RARB: variants seen among roughly 807,000 people sequenced by gnomAD.
RARB encodes the protein HBV-activated protein.
Under a neutral mutation model 51.9 loss-of-function variants are expected in RARB, and 17 were observed. The ratio of observed to expected loss-of-function variants is 0.33; its 90% confidence interval spans 0.22 to 0.49. The LOEUF (loss-of-function observed/expected upper bound fraction) is 0.49, where lower values mean the gene tolerates loss of function less well. Ranked by LOEUF, RARB falls within the 20% of genes least tolerant of loss-of-function variation. The pLI is 0.99. For synonymous variants in RARB, 215 were observed against 195.4 expected (o/e 1.10, Z -0.84); for missense variants, 369 against 550.8 (o/e 0.67, Z 3.30).
rs185458857 is a variant in RARB at position 25,297,719 on chromosome 3, C to T, written c.178+123144C>T. Among the ~76,000 whole-genome samples the T allele has an allele frequency of 9.0e-4, 137 of 151,832 alleles. No individual in the cohort carries two copies. In the East Asian group the frequency reaches 0.018, roughly 19 times the overall value. On this transcript the variant is annotated intron_variant, in intron 5 of 11. Coordinates refer to the RARB transcript ENST00000383772. ...AAAGCAAGAGATGGTCCCATTTTTTCCCCTCATTCCCCAGTCTAGTCTCAT... is the reference window on the plus strand; with the variant it reads ...AAAGCAAGAGATGGTCCCATTTTTTTCCCTCATTCCCCAGTCTAGTCTCAT...
chr3:25,028,005 C>A (rs1263285844), intron 2 of RARB, among the ~76,000 whole-genome samples: 3 of 152,066 alleles, frequency 2.0e-5, no homozygotes. Flanking sequence ...TGTAAATATG[C>A]CTTCCTAACC....
At chr3:25,449,661 C>T (rs939216152) in intron 1 of RARB, among the ~76,000 whole-genome samples, 14 of 152,110 alleles carry the variant, frequency 9.2e-5, no homozygotes, top group African/African-American at 3.4e-4. Context: ...GCTGTATGGC[C>T]TTGAACAAGT....
chr3:24,991,649 C>T (rs1281908985), intron 2 of RARB, among the ~76,000 whole-genome samples: 4 of 151,936 alleles, frequency 2.6e-5, no homozygotes, highest in Non-Finnish European at 2.9e-5. Context: ...AGTTGTATTA[C>T]GGGTTTAGGA....
At chr3:25,354,377 T>A (rs1705667441) in intron 5 of RARB, among the ~76,000 whole-genome samples, 1 of 152,138 alleles carries the variant, frequency 6.6e-6, no homozygotes, top group Non-Finnish European at 1.5e-5. Context: ...TGATGGTATG[T>A]TTTTCCTGTC....
chr3:25,178,999 T>A (rs1240184638), intron 5 of RARB, among the ~76,000 whole-genome samples: 1 of 152,186 alleles, frequency 6.6e-6, no homozygotes, highest in Admixed American at 6.5e-5. Flanking sequence ...CTCAAAATGA[T>A]CTTAGTTTAA....
At chr3:25,137,889 T>C (rs1003140447) in intron 4 of RARB, among the ~76,000 whole-genome samples, 1 of 152,076 alleles carries the variant, frequency 6.6e-6, no homozygotes, top group Non-Finnish European at 1.5e-5. Flanking sequence ...CAAGAGGTAG[T>C]TGAGTTTAAA....
At chr3:25,120,629 A>G (rs894219944) in intron 3 of RARB, among the ~76,000 whole-genome samples, 1 of 151,542 alleles carries the variant, frequency 6.6e-6, no homozygotes, top group African/African-American at 2.4e-5. Context: ...GAGGTAAGTT[A>G]TATATTGTTA....
intron 5 of RARB, among the ~76,000 whole-genome samples, chr3:25,201,035 T>C (rs573677546): frequency 1.0e-3 from 154 of 152,338 alleles, no homozygotes; most frequent in African/African-American, 3.7e-3. Context: ...CCTTGGGCAG[T>C]ATGGCCATTT....
intron 3 of RARB, among the ~76,000 whole-genome samples, chr3:25,107,027 A>G (rs1699519929): frequency 6.6e-6 from 1 of 151,966 alleles, no homozygotes; most frequent in African/African-American, 2.4e-5. Context: ...CAGCCTCCCG[A>G]ATAGCTGGGA....
chr3:25,066,694 T>G (rs1290708670), intron 3 of RARB, among the ~76,000 whole-genome samples: 1 of 149,864 alleles, frequency 6.7e-6, no homozygotes, highest in Non-Finnish European at 1.5e-5. Flanking sequence ...TTTTTAAAAA[T>G]CCCCAATTAC....
chr3:25,475,205 A>AT (rs1318390520), intron 2 of RARB, among the ~76,000 whole-genome samples: 2 of 152,158 alleles, frequency 1.3e-5, no homozygotes, highest in Non-Finnish European at 2.9e-5. Context: ...TACATCAGGT[A>AT]TTCCTTTGTT....
At chr3:25,278,214 C>T (rs1456638318) in intron 5 of RARB, among the ~76,000 whole-genome samples, 1 of 152,172 alleles carries the variant, frequency 6.6e-6, no homozygotes, top group African/African-American at 2.4e-5. Context: ...TCTTCTGTGG[C>T]TTACCTCTAA....
At chr3:25,537,387 G>A (rs1699184346) in intron 3 of RARB, among the ~76,000 whole-genome samples, 1 of 152,194 alleles carries the variant, frequency 6.6e-6, no homozygotes, top group Non-Finnish European at 1.5e-5. Context: ...TTGGTTGTGT[G>A]TTTGAATAGG....
At chr3:24,880,315 G>A (rs1406085629) in intron 2 of RARB, among the ~76,000 whole-genome samples, 2 of 151,790 alleles carry the variant, frequency 1.3e-5, no homozygotes, top group African/African-American at 4.8e-5. Flanking sequence ...AGGGATCTTT[G>A]GAAAAGAAAA....
intron 2 of RARB, among the ~76,000 whole-genome samples, chr3:24,927,026 G>T (rs778582816): frequency 1.3e-5 from 2 of 152,078 alleles, no homozygotes; most frequent in African/African-American, 4.8e-5. Flanking sequence ...GGAGAAGAAT[G>T]GTTTCCTGTC....
intron 5 of RARB, among the ~76,000 whole-genome samples, chr3:25,326,321 G>C (rs1240907256): frequency 6.6e-6 from 1 of 152,170 alleles, no homozygotes; most frequent in African/African-American, 2.4e-5. Context: ...AGGGCTTGCT[G>C]CATCTCACTG....
intron 2 of RARB, among the ~76,000 whole-genome samples, chr3:24,870,216 C>A (rs1256420780): frequency 6.6e-6 from 1 of 151,936 alleles, no homozygotes; most frequent in Admixed American, 6.6e-5. Flanking sequence ...TTAATGCATT[C>A]TAATTTATTT....
rs185093897 is a variant in RARB, at chr3:25,016,399, G to A, written c.-379-43726G>A. On this transcript the variant is annotated intron_variant, in intron 2 of 11. Transcript: ENST00000383772. ...TGTAGGATGTTCAGCACCATCGCTGGCCTGTACCCTCTGGATGCCAGTAGC... is the reference window on the plus strand; with the variant it reads ...TGTAGGATGTTCAGCACCATCGCTGACCTGTACCCTCTGGATGCCAGTAGC... Among the ~76,000 whole-genome samples the A allele has an allele frequency of 3.0e-3, 452 of 152,262 alleles. 3 individuals are homozygous for A. Among genetic ancestry groups the A allele is most frequent in the African/African-American group, 0.01 (420 of 41,542 alleles).
rs192575535 is a variant in RARB, at chr3:24,928,059, G to A, written c.-380+69307G>A. On this transcript the variant is annotated intron_variant, in intron 2 of 11. Coordinates refer to the RARB transcript ENST00000383772. Reference sequence around the variant, plus strand: ...TATAAATATTTTTGAACAGAGCATTGCAAGTCAAAGTTAACGTTTTCTGAG... The same window carrying A: ...TATAAATATTTTTGAACAGAGCATTACAAGTCAAAGTTAACGTTTTCTGAG... Among the ~76,000 whole-genome samples, 4 of 152,160 alleles carry A rather than the reference G, an allele frequency of 2.6e-5. No homozygotes were observed. The East Asian group carries it at 7.8e-4, about 29-fold the overall frequency.
Sources: allele counts gnomAD v4.1 joint callset (sites outside exome capture counted in the v4.1 genomes callset), GRCh38; gene constraint gnomAD v4.1.1; transcripts MANE v1.5; gene names NCBI Gene and HGNC (gene_info 2026-07-23, HGNC 2026-07-21).